Variants in CLEC16A observed in about 807,000 individuals in gnomAD.
The protein encoded by CLEC16A is protein CLEC16A.
Under a neutral mutation model 109.5 loss-of-function variants are expected in CLEC16A, and 51 were observed. That is an observed-to-expected ratio of 0.47 (90% confidence interval 0.37 to 0.59). The LOEUF is 0.59. Ranked by LOEUF, CLEC16A falls within the 20% of genes least tolerant of loss-of-function variation. The pLI is 0.00. For missense variants in CLEC16A, 1,339 were observed against 1,394.0 expected, an observed-to-expected ratio of 0.96 and a Z score of 0.63; for synonymous variants, 673 against 564.2, an observed-to-expected ratio of 1.19 and a Z score of -2.73.
chr16:11,092,490 G>T (rs879587067), intron 19 of CLEC16A, among the ~76,000 whole-genome samples: 17 of 152,046 alleles, frequency 1.1e-4, no homozygotes, highest in Admixed American at 2.0e-4. Flanking sequence ...GTTCCCGTGA[G>T]CCAAGATCAT....
At chr16:11,081,412 C>T (rs1002755251) in intron 19 of CLEC16A, among the ~76,000 whole-genome samples, 3 of 152,202 alleles carry the variant, frequency 2.0e-5, no homozygotes, top group Admixed American at 1.3e-4. Context: ...ACATCCTGCC[C>T]TTCTTGCCCG....
In CLEC16A at chr16:11,003,741, T is replaced by G. The variant is rs114438513; in HGVS notation, c.1303+436T>G. Among the ~76,000 whole-genome samples the G allele has an allele frequency of 4.4e-3, 669 of 152,302 alleles. 6 individuals carry two copies. Among genetic ancestry groups the G allele is most frequent in the African/African-American group, 0.015 (643 of 41,560 alleles). The stretch of plus-strand genomic sequence containing the variant: ...TAGGAGCAGCATGGAATTATTATTA[T>G]CTTTATCCTTATTACTGATATAATT... On this transcript the variant is annotated intron_variant, in intron 11 of 23. Coordinates refer to ENST00000409790, the MANE Select transcript of CLEC16A (RefSeq NM_015226.3).
chr16:11,108,834 G>A (rs951911321), intron 19 of CLEC16A, among the ~76,000 whole-genome samples: 3 of 152,102 alleles, frequency 2.0e-5, no homozygotes, highest in African/African-American at 7.2e-5. Flanking sequence ...TACTGGGCCG[G>A]GCGCGGTGGC....
chr16:11,119,596 T>C (rs1022881809), intron 19 of CLEC16A, among the ~76,000 whole-genome samples: 3 of 152,096 alleles, frequency 2.0e-5, no homozygotes, highest in Non-Finnish European at 4.4e-5. Context: ...TTTGCCGTGT[T>C]GCCCAGGCTA....
chr16:11,050,583 A>G (rs545103606), intron 17 of CLEC16A, among the ~76,000 whole-genome samples: 1 of 152,342 alleles, frequency 6.6e-6, no homozygotes, highest in South Asian at 2.1e-4. Flanking sequence ...ATTGATTACT[A>G]CTACTGATGC....
At chr16:10,948,012 G>T (rs2041493720) in intron 1 of CLEC16A, among the ~76,000 whole-genome samples, 1 of 152,020 alleles carries the variant, frequency 6.6e-6, no homozygotes, top group African/African-American at 2.4e-5. Context: ...TCCTGCCTCA[G>T]CCTCCAGAGT....
intron 19 of CLEC16A, among the ~76,000 whole-genome samples, chr16:11,067,904 G>A (rs979062204): frequency 5.3e-5 from 8 of 152,180 alleles, no homozygotes; most frequent in African/African-American, 1.7e-4. Context: ...AGTTGGATCC[G>A]GCGTGTTCTC....
At chr16:11,137,602 AAAAAAAAAAGTG>A (rs1433530519) in intron 22 of CLEC16A, among the ~76,000 whole-genome samples, 2 of 151,046 alleles carry the variant, frequency 1.3e-5, no homozygotes, top group African/African-American at 4.9e-5. Context: ...AAAAAAAAAA[AAAAAAAAAAGTG>A]AAATGCCAAC....
At position 11,147,940 on chromosome 16, in the gene CLEC16A, C is replaced by T. The variant is rs1416516828; in HGVS notation, c.2642-18448C>T. ...AGACTCACCTGGCACCCTTTCTCTT[C>T]CCTAAAACGTGCCTTTTTTCCATTT... On this transcript the variant is annotated intron_variant, in intron 22 of 23. Coordinates refer to ENST00000409790, the MANE Select transcript of CLEC16A (RefSeq NM_015226.3). Among the ~76,000 whole-genome samples, 4 of 152,296 alleles carry T rather than the reference C, an allele frequency of 2.6e-5. No homozygotes were observed. In the East Asian group the frequency reaches 7.7e-4, roughly 29 times the overall value.
intron 22 of CLEC16A, among the ~76,000 whole-genome samples, chr16:11,155,648 C>G (rs1484970794): frequency 6.6e-6 from 1 of 152,218 alleles, no homozygotes; most frequent in Non-Finnish European, 1.5e-5. Context: ...TCACATAGTT[C>G]CAGATAGTAT....
At chr16:11,072,423 C>G (rs938420585) in intron 19 of CLEC16A, among the ~76,000 whole-genome samples, 1 of 152,060 alleles carries the variant, frequency 6.6e-6, no homozygotes, top group African/African-American at 2.4e-5. Context: ...CTGGCCTATT[C>G]TATTCTTTAA....
rs1294484876 is a variant in CLEC16A at position 10,954,372 on chromosome 16, C to G, written c.81-3410C>G. Among the ~76,000 whole-genome samples, 1 of 152,098 alleles carries G rather than the reference C, an allele frequency of 6.6e-6. No homozygotes were observed. Among genetic ancestry groups the G allele is most frequent in the African/African-American group, 2.4e-5 (1 of 41,386 alleles). ...CTAGAATCTTTTTTTCAGGACTTAC[C>G]GCCCTGCCCTCTCTGCCTATAAGGG... On this transcript the variant is annotated intron_variant, in intron 1 of 23. Coordinates refer to ENST00000409790, the MANE Select transcript of CLEC16A (RefSeq NM_015226.3). The surrounding 1 kb of genome is among the most constrained non-coding windows in gnomAD (Gnocchi z 4.2).
At chr16:11,156,159 T>C (rs996595796) in intron 22 of CLEC16A, among the ~76,000 whole-genome samples, 10 of 152,000 alleles carry the variant, frequency 6.6e-5, no homozygotes, top group Non-Finnish European at 1.0e-4. Context: ...GTCAGGAGTT[T>C]GAGACCAGCC....
In CLEC16A at chr16:10,972,952, A is replaced by T; in HGVS notation, c.619A>T (p.Met207Leu). ...VYKVSLDNQAMLHYIRDKTAV... is the reference protein window; with the variant it reads ...VYKVSLDNQALLHYIRDKTAV... ...AATTTTCTCAGTGGATAACCAGGCC[A>T]TGCTGCACTACATCCGAGATAAAAC... Residue 207 changes from methionine (M) to leucine (L), a missense_variant, in exon 7 of 24, where the codon ATG becomes TTG. Met to Leu is a conservative substitution (Grantham distance 15, BLOSUM62 2). Around this residue, in one of 3 missense-constraint regions of CLEC16A, gnomAD observed 161 missense variants for 267.1 expected, o/e 0.60. Transcript: ENST00000409790. 1 of 1,609,464 alleles carries T rather than the reference A, an allele frequency of 6.2e-7. No individual in the cohort carries two copies. The highest frequency in any genetic ancestry group is 8.5e-7 in the Non-Finnish European group (1 of 1,178,674).
intron 10 of CLEC16A, among the ~76,000 whole-genome samples, chr16:10,985,703 A>G (rs2043601766): frequency 6.6e-6 from 1 of 151,296 alleles, no homozygotes; most frequent in South Asian, 2.1e-4. Flanking sequence ...TGGGGTTTGC[A>G]GCATTGTTTA....
At chr16:10,964,487 G>A (rs537020589) in intron 3 of CLEC16A, among the ~76,000 whole-genome samples, 1 of 152,356 alleles carries the variant, frequency 6.6e-6, no homozygotes, top group African/African-American at 2.4e-5. Context: ...CTGTCAAGAG[G>A]AGAGCACAGT....
chr16:11,060,499 G>A (rs1276317237), intron 18 of CLEC16A, among the ~76,000 whole-genome samples: 2 of 152,198 alleles, frequency 1.3e-5, no homozygotes, highest in Non-Finnish European at 2.9e-5. Flanking sequence ...GACAGACTCA[G>A]GGTCTAGCCC....
intron 19 of CLEC16A, among the ~76,000 whole-genome samples, chr16:11,090,292 G>A (rs547291730): frequency 1.3e-5 from 2 of 152,244 alleles, no homozygotes; most frequent in Non-Finnish European, 2.9e-5. Context: ...TGGACCTCAA[G>A]TGTGGTCAGA....
intron 19 of CLEC16A, among the ~76,000 whole-genome samples, chr16:11,112,462 C>T (rs554708478): frequency 3.8e-5 from 5 of 131,576 alleles, no homozygotes; most frequent in African/African-American, 1.2e-4. Flanking sequence ...AGTTTGAGAC[C>T]AGGCTGGACA....
Sources: allele counts gnomAD v4.1 joint callset (sites outside exome capture counted in the v4.1 genomes callset), GRCh38; gene constraint gnomAD v4.1.1; regional missense constraint gnomAD v4.1.1; non-coding constraint Gnocchi (gnomAD v3.1); transcripts MANE v1.5; gene names NCBI Gene and HGNC (gene_info 2026-07-23, HGNC 2026-07-21).